RABGAP1L: variants seen among roughly 807,000 people sequenced by gnomAD.
RABGAP1L encodes the protein RAB GTPase activating protein 1 like, also known as rab GTPase-activating protein 1-like.
Under a neutral mutation model 137.7 loss-of-function variants are expected in RABGAP1L, and 63 were observed. The observed-to-expected ratio is 0.46, with a 90% CI of 0.37 to 0.56. The LOEUF is 0.56. Ranked by LOEUF, RABGAP1L falls within the 20% of genes least tolerant of loss-of-function variation. RABGAP1L has a pLI of 0.00. For missense variants in RABGAP1L, 1,095 were observed against 1,244.0 expected (o/e 0.88, Z 1.80); for synonymous variants, 431 against 433.7 (o/e 0.99, Z 0.08).
chr1:174,660,445 T>G (rs35762955), intron 14 of RABGAP1L, among the ~76,000 whole-genome samples: 12 of 152,196 alleles, frequency 7.9e-5, no homozygotes, highest in Non-Finnish European at 1.6e-4. Flanking sequence ...TTAGGAAATC[T>G]TACTGACTCC....
At chr1:174,241,853 CAGCTT>C (rs2148559518) in intron 5 of RABGAP1L, among the ~76,000 whole-genome samples, 196 bp downstream of exon 5, 1 of 152,326 alleles carries the variant, frequency 6.6e-6, no homozygotes, top group African/African-American at 2.4e-5. Flanking sequence ...GGCACTCTCA[CAGCTT>C]AGCAGTTGTC....
chr1:174,926,686 A>G (rs1285597282), intron 19 of RABGAP1L, among the ~76,000 whole-genome samples: 1 of 152,074 alleles, frequency 6.6e-6, no homozygotes, highest in African/African-American at 2.4e-5. Flanking sequence ...AATGACTACA[A>G]TCGTCTGTAA....
intron 18 of RABGAP1L, among the ~76,000 whole-genome samples, chr1:174,809,470 C>G (rs975214090): frequency 6.6e-6 from 1 of 152,220 alleles, no homozygotes; most frequent in Non-Finnish European, 1.5e-5. Flanking sequence ...TGATACCAAT[C>G]TATCTGCTTT....
chr1:174,425,837 GTTC>G (rs1651886002), intron 13 of RABGAP1L, among the ~76,000 whole-genome samples: 1 of 151,920 alleles, frequency 6.6e-6, no homozygotes, highest in Non-Finnish European at 1.5e-5. Context: ...TGGGTAAATG[GTTC>G]TTCTGAAAAT....
intron 13 of RABGAP1L, among the ~76,000 whole-genome samples, chr1:174,452,631 G>A (rs889636737): frequency 2.0e-5 from 3 of 151,934 alleles, no homozygotes; most frequent in Admixed American, 1.3e-4. Flanking sequence ...GCACTATCTC[G>A]GCTCACTGCA....
At chr1:174,713,577 C>T (rs1186375795) in intron 17 of RABGAP1L, among the ~76,000 whole-genome samples, 2 of 152,170 alleles carry the variant, frequency 1.3e-5, no homozygotes, top group African/African-American at 4.8e-5. Context: ...CTCTCGTTTA[C>T]TCTCTCACTG....
At chr1:174,711,001 A>G (rs1319309611) in intron 17 of RABGAP1L, among the ~76,000 whole-genome samples, 2 of 152,154 alleles carry the variant, frequency 1.3e-5, no homozygotes, top group East Asian at 3.9e-4. Flanking sequence ...TGCAGGTCCC[A>G]AGCCCTGCCC....
chr1:174,596,017 C>T (rs1375575202), intron 13 of RABGAP1L, among the ~76,000 whole-genome samples: 1 of 105,196 alleles, frequency 9.5e-6, no homozygotes. Flanking sequence ...ATTCCGTGGG[C>T]GTAGGACCCT....
chr1:174,920,174 C>T (rs999146708), intron 19 of RABGAP1L, among the ~76,000 whole-genome samples: 2 of 152,202 alleles, frequency 1.3e-5, no homozygotes, highest in African/African-American at 4.8e-5. Context: ...AGTCCATTTT[C>T]ACATGCTAAT....
intron 17 of RABGAP1L, among the ~76,000 whole-genome samples, chr1:174,738,952 T>C (rs554878661): frequency 6.6e-6 from 1 of 152,344 alleles, no homozygotes; most frequent in East Asian, 1.9e-4. Context: ...AAATTGTTTT[T>C]GTTTTGTCAT....
At chr1:174,461,730 A>G (rs574318125) in intron 13 of RABGAP1L, among the ~76,000 whole-genome samples, 30 of 152,302 alleles carry the variant, frequency 2.0e-4, no homozygotes, top group African/African-American at 7.0e-4. Flanking sequence ...GCTGTTACCA[A>G]CTGGGGAAGC....
intron 12 of RABGAP1L, among the ~76,000 whole-genome samples, chr1:174,377,412 A>G (rs1468231899): frequency 2.0e-5 from 3 of 152,178 alleles, no homozygotes. Flanking sequence ...TTGAAAGTGA[A>G]GAACACAATG....
At chr1:174,628,562 A>T (rs1673089313) in intron 13 of RABGAP1L, among the ~76,000 whole-genome samples, 1 of 152,226 alleles carries the variant, frequency 6.6e-6, no homozygotes, top group African/African-American at 2.4e-5. Context: ...TGATATTATC[A>T]TCCCATTTTA....
chr1:174,667,821 C>T (rs535067890), intron 14 of RABGAP1L, among the ~76,000 whole-genome samples: 15 of 152,274 alleles, frequency 9.9e-5, no homozygotes, highest in Non-Finnish European at 1.3e-4. Flanking sequence ...TTTCATTGTA[C>T]ATGTTGACCT....
intron 19 of RABGAP1L, among the ~76,000 whole-genome samples, chr1:174,926,856 C>A (rs1353634175): frequency 6.6e-6 from 1 of 151,904 alleles, no homozygotes; most frequent in Non-Finnish European, 1.5e-5. Flanking sequence ...AGGTGGATCA[C>A]AAGGTCAGGA....
chr1:174,201,635 T>C (rs947542759), intron 1 of RABGAP1L, among the ~76,000 whole-genome samples: 1 of 151,376 alleles, frequency 6.6e-6, no homozygotes, highest in Non-Finnish European at 1.5e-5. Context: ...CATGCTATTA[T>C]TGCTTGGCTT....
intron 15 of RABGAP1L, among the ~76,000 whole-genome samples, chr1:174,690,720 G>A (rs1036926774): frequency 1.3e-4 from 20 of 151,918 alleles, no homozygotes; most frequent in African/African-American, 4.8e-4. Context: ...GATTTAAAGG[G>A]AGAATAGACA....
intron 17 of RABGAP1L, among the ~76,000 whole-genome samples, chr1:174,708,228 T>A (rs1015812921): frequency 1.3e-5 from 2 of 152,226 alleles, no homozygotes; most frequent in African/African-American, 4.8e-5. Context: ...AGTTGTTATC[T>A]GAAGAGTAGA....
At chr1:174,873,107 C>T (rs1218455588) in intron 19 of RABGAP1L, among the ~76,000 whole-genome samples, 1 of 152,000 alleles carries the variant, frequency 6.6e-6, no homozygotes, top group African/African-American at 2.4e-5. Context: ...TTTGCTCTGT[C>T]GCCCAGGCTG....
Sources: allele counts gnomAD v4.1 joint callset (sites outside exome capture counted in the v4.1 genomes callset), GRCh38; gene constraint gnomAD v4.1.1; transcripts MANE v1.5; gene names NCBI Gene and HGNC (gene_info 2026-07-23, HGNC 2026-07-21).